The following TNIK variants were observed in gnomAD, a reference collection of about 807,000 sequenced individuals.
The protein encoded by TNIK is TRAF2 and NCK-interacting protein kinase.
A neutral mutation model predicts 191.3 loss-of-function variants in TNIK; 49 were observed. The observed-to-expected ratio is 0.26, with a 90% CI of 0.20 to 0.32. The LOEUF (loss-of-function observed/expected upper bound fraction) is 0.32. Among genes scored for constraint, TNIK ranks in the 10% least tolerant of loss-of-function variants. The probability of loss-of-function intolerance (pLI) is 1.00; values close to 1 mark genes in which losing one functional copy is unlikely to be tolerated. For missense variants in TNIK, 1,155 were observed against 1,702.3 expected (o/e 0.68, Z 5.66); for synonymous variants, 594 against 600.9 (o/e 0.99, Z 0.17).
rs368928326 is a variant in TNIK, at chr3:171,165,532, T to C, written c.949+1563A>G. ...AATCCAGTCTCAACTTTCATACTGCTCACCGCCCCCACCGCTAGTCCCCAG... is the reference window on the plus strand; with the variant it reads ...AATCCAGTCTCAACTTTCATACTGCCCACCGCCCCCACCGCTAGTCCCCAG... On this transcript the variant is annotated intron_variant, in intron 10 of 32. Coordinates refer to ENST00000436636, the MANE Select transcript of TNIK (RefSeq NM_015028.4). Among the ~76,000 whole-genome samples, 5 of 152,036 alleles carry C rather than the reference T, an allele frequency of 3.3e-5. No homozygotes were observed. The East Asian group carries it at 7.7e-4, about 24-fold the overall frequency.
chr3:171,411,940 G>A (rs1159579617), intron 1 of TNIK, among the ~76,000 whole-genome samples: 1 of 152,156 alleles, frequency 6.6e-6, no homozygotes, highest in East Asian at 1.9e-4. Context: ...GTAGGAACTG[G>A]TTCTGTCTGA....
chr3:171,163,158 C>A (rs769667252), intron 10 of TNIK, among the ~76,000 whole-genome samples: 2 of 152,108 alleles, frequency 1.3e-5, no homozygotes, highest in African/African-American at 4.8e-5. Flanking sequence ...TGTGAGAAAA[C>A]CTTATGGAGG....
At position 171,060,470 on chromosome 3, in the gene TNIK, A is replaced by G. The variant is rs909605021; in HGVS notation, c.*3411T>C. 1.3e-5 allele frequency among the ~76,000 whole-genome samples: 2 copies of G among 152,216 alleles called. No homozygotes were observed. The highest frequency in any genetic ancestry group is 2.4e-5 in the African/African-American group (1 of 41,458). On this transcript the variant is annotated 3_prime_UTR_variant, in exon 33 of 33. Transcript: ENST00000436636. ...AAAACAATGTCAAAGTGTTAGAAAA[A>G]TGGAGCCCCTGTCCAGGTGACCTTG...
chr3:171,097,555 T>TGATA (rs1394894096), intron 22 of TNIK, among the ~76,000 whole-genome samples: 1 of 152,168 alleles, frequency 6.6e-6, no homozygotes, highest in Non-Finnish European at 1.5e-5. Flanking sequence ...GCTGTTCTTG[T>TGATA]GATAGTGAAT....
chr3:171,106,877 G>T, intron 21 of TNIK: 1 of 509,198 alleles, frequency 2.0e-6, no homozygotes, highest in South Asian at 1.8e-5. Context: ...GCAAGTACAG[G>T]TTTGCTATTG....
At chr3:171,442,151 T>TGG (rs1726899316) in intron 1 of TNIK, among the ~76,000 whole-genome samples, 1 of 152,210 alleles carries the variant, frequency 6.6e-6, no homozygotes, top group Admixed American at 6.5e-5. Context: ...AAATCCTGAT[T>TGG]GTGAATCCTG....
intron 22 of TNIK, among the ~76,000 whole-genome samples, chr3:171,095,827 T>G (rs1455442265): frequency 2.6e-5 from 4 of 152,304 alleles, no homozygotes; most frequent in East Asian, 3.9e-4. Flanking sequence ...CTGATGTGTT[T>G]GGGAAGAAAT....
At chr3:171,176,417 G>A (rs1735963050) in intron 8 of TNIK, among the ~76,000 whole-genome samples, 1 of 152,174 alleles carries the variant, frequency 6.6e-6, no homozygotes, top group African/African-American at 2.4e-5. Flanking sequence ...CCTTTGAGAT[G>A]CAGACACCAA....
chr3:171,453,589 A>G (rs2108736183), intron 1 of TNIK, among the ~76,000 whole-genome samples: 2 of 152,278 alleles, frequency 1.3e-5, no homozygotes, highest in East Asian at 3.9e-4. Context: ...GCCTTGAATA[A>G]AAACAACCAG....
chr3:171,215,044 C>CT (rs1024781145), intron 3 of TNIK, among the ~76,000 whole-genome samples: 52 of 152,118 alleles, frequency 3.4e-4, no homozygotes, highest in Non-Finnish European at 5.0e-4. Flanking sequence ...AGCCACATGT[C>CT]TTGCTTTGGT....
intron 22 of TNIK, among the ~76,000 whole-genome samples, chr3:171,096,572 G>C (rs1722745714): frequency 6.6e-6 from 1 of 152,024 alleles, no homozygotes. Flanking sequence ...GAAAATCCCT[G>C]GTGACTTTAG....
intron 1 of TNIK, among the ~76,000 whole-genome samples, chr3:171,421,940 C>A (rs1723857027): frequency 6.6e-6 from 1 of 151,940 alleles, no homozygotes; most frequent in Non-Finnish European, 1.5e-5. Flanking sequence ...CCATGTTGGC[C>A]AGGCTGGTCT....
At chr3:171,361,870 A>C (rs1390439451) in intron 2 of TNIK, among the ~76,000 whole-genome samples, 1 of 152,110 alleles carries the variant, frequency 6.6e-6, no homozygotes, top group Non-Finnish European at 1.5e-5. Context: ...TATCATGAAA[A>C]CTGTTTCTTT....
At chr3:171,110,661 C>A in intron 19 of TNIK, 53 bp downstream of exon 19, 1 of 1,515,322 alleles carries the variant, frequency 6.6e-7, no homozygotes, top group East Asian at 2.4e-5. Flanking sequence ...TTTCCCTGTC[C>A]ACAGCTTTCC....
At chr3:171,414,540 C>T (rs1212451020) in intron 1 of TNIK, among the ~76,000 whole-genome samples, 1 of 152,192 alleles carries the variant, frequency 6.6e-6, no homozygotes, top group Non-Finnish European at 1.5e-5. Flanking sequence ...CTTCCAGCAG[C>T]CCCAATCAGA....
chr3:171,259,643 C>G (rs889327258), intron 2 of TNIK, among the ~76,000 whole-genome samples: 14 of 152,158 alleles, frequency 9.2e-5, no homozygotes, highest in Non-Finnish European at 2.1e-4. Context: ...CCTGGCTAAT[C>G]TCATGGCCAA....
rs111664062 is a variant in TNIK at position 171,365,777 on chromosome 3, G to T, written c.123+3843C>A. On this transcript the variant is annotated intron_variant, in intron 2 of 32. Transcript: ENST00000436636. ...CACTCACAGCATCTGTCTCTCTTAA[G>T]CACAATAGCCACCACGACGGCCTCC... 5.8e-3 allele frequency among the ~76,000 whole-genome samples: 876 copies of T among 152,252 alleles called. 11 individuals are homozygous for T. Among genetic ancestry groups the T allele is most frequent in the African/African-American group, 0.02 (849 of 41,544 alleles).
chr3:171,329,260 AAATTATTTAATACCATGGT>A (rs1756149704), intron 2 of TNIK, among the ~76,000 whole-genome samples: 1 of 152,216 alleles, frequency 6.6e-6, no homozygotes, highest in Non-Finnish European at 1.5e-5. Flanking sequence ...TCATTTTAAA[AAATTATTTAATACCATGGT>A]AAGTATTTTT....
intron 2 of TNIK, among the ~76,000 whole-genome samples, chr3:171,245,370 G>A (rs1745474617): frequency 1.3e-5 from 2 of 151,980 alleles, no homozygotes; most frequent in East Asian, 3.8e-4. Context: ...GGAATGGGCT[G>A]ATAAAAAAAC....
Sources: gnomAD v4.1 joint callset for allele counts (sites outside exome capture counted in the v4.1 genomes callset) on GRCh38, gnomAD v4.1.1 for gene constraint, MANE v1.5 for transcripts, NCBI Gene and HGNC (gene_info 2026-07-23, HGNC 2026-07-21) for gene names.